TEAD1: variants seen among roughly 807,000 people sequenced by gnomAD.
TEAD1 encodes the protein transcriptional enhancer factor TEF-1.
In TEAD1, 9 loss-of-function variants were observed where a neutral mutation model predicts 54.9. The observed-to-expected ratio is 0.16, with a 90% CI of 0.10 to 0.29. The LOEUF (loss-of-function observed/expected upper bound fraction) is 0.29, where lower values mean the gene tolerates loss of function less well. Among genes scored for constraint, TEAD1 ranks in the 10% least tolerant of loss-of-function variants. The pLI, the probability that TEAD1 is intolerant of heterozygous loss-of-function variation, is 1.00. For missense variants in TEAD1, 387 were observed against 535.9 expected (o/e 0.72, Z 2.74); for synonymous variants, 200 against 187.8 (o/e 1.07, Z -0.53).
At chr11:12,924,229 C>T (rs1307690378) in intron 10 of TEAD1, among the ~76,000 whole-genome samples, 1 of 152,060 alleles carries the variant, frequency 6.6e-6, no homozygotes, top group Non-Finnish European at 1.5e-5. Flanking sequence ...TCAACTGAGA[C>T]CACCTGTGGA....
At chr11:12,800,295 C>G (rs1216841986) in intron 3 of TEAD1, among the ~76,000 whole-genome samples, 2 of 152,218 alleles carry the variant, frequency 1.3e-5, no homozygotes, top group African/African-American at 2.4e-5. Context: ...CCGGTTTTAC[C>G]TCTTAGCTTT....
intron 5 of TEAD1, chr11:12,865,125 G>A: frequency 1.7e-6 from 1 of 601,624 alleles, no homozygotes; most frequent in Non-Finnish European, 3.0e-6. Flanking sequence ...GTGTGCGTGT[G>A]TATGTGTGTG....
In TEAD1 at chr11:12,876,279, A is replaced by G. The variant is rs190815535; in HGVS notation, c.331-3429A>G. Among the ~76,000 whole-genome samples the G allele has an allele frequency of 3.3e-5, 5 of 152,312 alleles. No individual in the cohort carries two copies. The East Asian group carries it at 9.6e-4, about 29-fold the overall frequency. On this transcript the variant is annotated intron_variant, in intron 5 of 12. Coordinates refer to ENST00000527636, the MANE Select transcript of TEAD1 (RefSeq NM_021961.6). ...ACTGATTTCCGTTTCAAAAAAGAAT[A>G]TCAAACTTGTTTGAAGATTTCAAAT...
intron 12 of TEAD1, 21 bp downstream of exon 12, chr11:12,930,347 C>T: frequency 6.2e-7 from 1 of 1,613,818 alleles, no homozygotes; most frequent in Non-Finnish European, 8.5e-7. Context: ...TGTCTCTTTC[C>T]TCTGTGGGCA....
chr11:12,862,123 T>C (rs1035035325), intron 3 of TEAD1, 127 bp from the exon 4 acceptor site: 7 of 720,132 alleles, frequency 9.7e-6, no homozygotes, highest in African/African-American at 1.8e-5. Flanking sequence ...TTTATTTTTC[T>C]AGTATTAGTA....
chr11:12,913,526 TAA>T (rs1255501643), intron 10 of TEAD1, among the ~76,000 whole-genome samples: 1 of 152,218 alleles, frequency 6.6e-6, no homozygotes, highest in African/African-American at 2.4e-5. Context: ...TTTCCCTACC[TAA>T]AGTGTCTTGG....
chr11:12,771,384 C>G (rs145319634), intron 3 of TEAD1, among the ~76,000 whole-genome samples: 5 of 152,122 alleles, frequency 3.3e-5, no homozygotes, highest in Non-Finnish European at 7.4e-5. Flanking sequence ...TACAGTAGTC[C>G]GGTAGGAGAG....
chr11:12,857,051 A>C (rs887572897), intron 3 of TEAD1, among the ~76,000 whole-genome samples: 3 of 152,200 alleles, frequency 2.0e-5, no homozygotes, highest in African/African-American at 7.2e-5. Context: ...CCAGTCTTCT[A>C]TCTGGTAAGG....
intron 2 of TEAD1, among the ~76,000 whole-genome samples, chr11:12,722,105 A>C (rs890566490): frequency 6.6e-6 from 1 of 152,234 alleles, no homozygotes. Context: ...AAACAGTGTC[A>C]TATTCACACC....
chr11:12,876,548 T>C (rs1564973253), intron 5 of TEAD1, among the ~76,000 whole-genome samples: 1 of 152,168 alleles, frequency 6.6e-6, no homozygotes, highest in East Asian at 1.9e-4. Flanking sequence ...TCAAGTTCTT[T>C]TGTAGCTATT....
rs183574745 is a variant in TEAD1, at chr11:12,760,202, G to A, written c.-54-3977G>A. ...TGGACTTGGACATAAATGAACATCT[G>A]TTCATAGTTTTACAGATGACAGAGC... On this transcript the variant is annotated intron_variant, in intron 2 of 12. Coordinates refer to ENST00000527636, the MANE Select transcript of TEAD1 (RefSeq NM_021961.6). Among the ~76,000 whole-genome samples the A allele has an allele frequency of 2.8e-3, 419 of 152,302 alleles. 2 individuals carry two copies. Among genetic ancestry groups the A allele is most frequent in the Non-Finnish European group, 4.7e-3 (321 of 68,022 alleles).
intron 2 of TEAD1, among the ~76,000 whole-genome samples, chr11:12,691,048 A>C (rs1943447293): frequency 1.3e-5 from 2 of 152,148 alleles, no homozygotes; most frequent in Admixed American, 1.3e-4. Context: ...ATCTCACCCA[A>C]CCCATTCCTC....
chr11:12,819,790 T>A (rs897457682), intron 3 of TEAD1, among the ~76,000 whole-genome samples: 1 of 152,248 alleles, frequency 6.6e-6, no homozygotes, highest in Non-Finnish European at 1.5e-5. Context: ...CTGTAATACG[T>A]TGGCCAGTTT....
At chr11:12,743,839 A>G (rs768309299) in intron 2 of TEAD1, among the ~76,000 whole-genome samples, 1 of 152,162 alleles carries the variant, frequency 6.6e-6, no homozygotes, top group Non-Finnish European at 1.5e-5. Context: ...AGGCCCCTTG[A>G]TTTGCCGGAC....
chr11:12,920,937 C>T (rs1589991015), intron 10 of TEAD1, among the ~76,000 whole-genome samples: 1 of 152,136 alleles, frequency 6.6e-6, no homozygotes, highest in Non-Finnish European at 1.5e-5. Flanking sequence ...TTCATTATTT[C>T]AAATGGCTGT....
chr11:12,727,134 G>A (rs1944328962), intron 2 of TEAD1, among the ~76,000 whole-genome samples: 1 of 152,164 alleles, frequency 6.6e-6, no homozygotes, highest in Admixed American at 6.5e-5. Context: ...CAGCTACTTG[G>A]GAAGCTGAGG....
chr11:12,848,965 T>C (rs929724428), intron 3 of TEAD1: 1 of 150,524 alleles, frequency 6.6e-6, no homozygotes, highest in African/African-American at 2.4e-5. Context: ...AAAAATAAAA[T>C]AAAAAAAAGC....
At position 12,859,302 on chromosome 11, in the gene TEAD1, G is replaced by GTTTATT. The variant is rs1361937806; in HGVS notation, c.203-2945_203-2944insATTTTT. The stretch of plus-strand genomic sequence containing the variant: ...GTCTGTTTTCCCAGAAAATAAACAA[G>GTTTATT]TTTGAGGGTAGGAGACATTTTTGTC... On this transcript the variant is annotated intron_variant, in intron 3 of 12. Transcript: ENST00000527636. Among the ~76,000 whole-genome samples, 1,069 of 152,288 alleles carry GTTTATT rather than the reference G, an allele frequency of 7.0e-3. 13 individuals are homozygous for GTTTATT. The highest frequency in any genetic ancestry group is 0.024 in the African/African-American group (1,012 of 41,524).
At chr11:12,785,046 CCTCT>C (rs1456105166) in intron 3 of TEAD1, among the ~76,000 whole-genome samples, 1 of 152,118 alleles carries the variant, frequency 6.6e-6, no homozygotes, top group Non-Finnish European at 1.5e-5. Context: ...CAAGCCCTGC[CCTCT>C]CTCTGTGTCA....
Sources: allele counts gnomAD v4.1 joint callset (sites outside exome capture counted in the v4.1 genomes callset), GRCh38; gene constraint gnomAD v4.1.1; transcripts MANE v1.5; gene names NCBI Gene and HGNC (gene_info 2026-07-23, HGNC 2026-07-21).